Variants in NOX4 observed in about 807,000 individuals in gnomAD.
NOX4 encodes the protein kidney oxidase-1.
Under a neutral mutation model 87.6 loss-of-function variants are expected in NOX4, and 69 were observed. The ratio of observed to expected loss-of-function variants is 0.79; its 90% CI spans 0.65 to 0.96. The LOEUF (loss-of-function observed/expected upper bound fraction) is 0.96. Among genes scored for constraint, NOX4 ranks in the 40% least tolerant of loss-of-function variants. The probability of loss-of-function intolerance (pLI) is 0.00; values close to 1 mark genes in which losing one functional copy is unlikely to be tolerated. For missense variants in NOX4, 680 were observed against 681.5 expected, an observed-to-expected ratio of 1.00 and a Z score of 0.02; for synonymous variants, 275 against 238.2, an observed-to-expected ratio of 1.15 and a Z score of -1.42.
intron 13 of NOX4, 37 bp downstream of exon 13, chr11:89,354,925 T>C (rs1937895252): frequency 1.5e-6 from 2 of 1,368,848 alleles, no homozygotes; most frequent in South Asian, 1.2e-5. Flanking sequence ...ACTATGCCCA[T>C]TGCCTCATCA....
At chr11:89,358,397 A>G (rs780066130) in intron 12 of NOX4, among the ~76,000 whole-genome samples, 25 of 150,262 alleles carry the variant, frequency 1.7e-4, no homozygotes, top group Non-Finnish European at 2.8e-4. Context: ...AAAAAAAAAA[A>G]AAAAAAAAAG....
intron 2 of NOX4, among the ~76,000 whole-genome samples, chr11:89,484,976 A>T (rs956204685): frequency 6.6e-6 from 1 of 152,170 alleles, no homozygotes; most frequent in Non-Finnish European, 1.5e-5. Context: ...CATTCTCAGC[A>T]GAATTAAAGC....
chr11:89,392,992 T>C (rs2135143680), intron 11 of NOX4, among the ~76,000 whole-genome samples: 1 of 152,274 alleles, frequency 6.6e-6, no homozygotes, highest in African/African-American at 2.4e-5. Flanking sequence ...TCAAATTCTC[T>C]ATTGTGCTTA....
At chr11:89,441,982 A>C (rs1944477344) in intron 5 of NOX4, among the ~76,000 whole-genome samples, 1 of 148,050 alleles carries the variant, frequency 6.8e-6, no homozygotes, top group African/African-American at 2.4e-5. Flanking sequence ...ATCAATATAT[A>C]AATATATCAA....
chr11:89,329,976 T>C (rs1404625570), intron 17 of NOX4, among the ~76,000 whole-genome samples: 2 of 152,004 alleles, frequency 1.3e-5, no homozygotes, highest in African/African-American at 4.8e-5. Flanking sequence ...TGTCAGTAAA[T>C]ATAAAATATT....
chr11:89,574,732 C>T, the NOX4 span, among the ~76,000 whole-genome samples: 2 of 152,202 alleles, frequency 1.3e-5, no homozygotes, highest in Non-Finnish European at 2.9e-5. Flanking sequence ...ATTCACTTTA[C>T]TCAGATAGCC....
the NOX4 span, among the ~76,000 whole-genome samples, chr11:89,555,923 A>G: frequency 1.3e-5 from 2 of 152,202 alleles, no homozygotes; most frequent in Non-Finnish European, 2.9e-5. Flanking sequence ...TAGCTCAACA[A>G]AAGAATGTTT....
At chr11:89,355,107 T>C in intron 12 of NOX4, 64 bp from the exon 13 acceptor site, 2 of 1,184,836 alleles carry the variant, frequency 1.7e-6, no homozygotes. Flanking sequence ...AATTTCAAAA[T>C]GGAAGTATTT....
the NOX4 span, among the ~76,000 whole-genome samples, chr11:89,551,884 A>C: frequency 6.6e-6 from 1 of 152,154 alleles, no homozygotes; most frequent in South Asian, 2.1e-4. Context: ...TTCAAAAGGA[A>C]TGCTTCCAGC....
the NOX4 span, among the ~76,000 whole-genome samples, chr11:89,582,637 A>C: frequency 6.6e-6 from 1 of 152,276 alleles, no homozygotes; most frequent in Non-Finnish European, 1.5e-5. Context: ...AGTCTTTGTG[A>C]CATGTCTGTG....
chr11:89,333,500 T>C (rs1396568950), intron 17 of NOX4, among the ~76,000 whole-genome samples: 1 of 151,750 alleles, frequency 6.6e-6, no homozygotes, highest in Non-Finnish European at 1.5e-5. Flanking sequence ...TCATTACCTC[T>C]GGGCCAGAAG....
chr11:89,457,911 A>G (rs1335468771), intron 2 of NOX4, among the ~76,000 whole-genome samples: 1 of 152,136 alleles, frequency 6.6e-6, no homozygotes, highest in Non-Finnish European at 1.5e-5. Flanking sequence ...CAGAAATAAC[A>G]CAAACAAATG....
At chr11:89,431,631 C>T (rs1207653984) in intron 7 of NOX4, among the ~76,000 whole-genome samples, 1 of 152,150 alleles carries the variant, frequency 6.6e-6, no homozygotes, top group Non-Finnish European at 1.5e-5. Flanking sequence ...CAGAGAAATG[C>T]AAATCAAAAC....
intron 8 of NOX4, among the ~76,000 whole-genome samples, chr11:89,418,086 A>ACATTAATTTTC (rs1942877835): frequency 6.6e-6 from 1 of 152,106 alleles, no homozygotes; most frequent in Non-Finnish European, 1.5e-5. Context: ...TCGCTAAAAT[A>ACATTAATTTTC]TACAACAAGA....
chr11:89,550,069 G>A, the NOX4 span, among the ~76,000 whole-genome samples: 3 of 151,996 alleles, frequency 2.0e-5, no homozygotes, highest in Non-Finnish European at 2.9e-5. Flanking sequence ...TTGAGGAATC[G>A]CCACACCATC....
Position 89,403,964 on chromosome 11 carries a change from G to A in NOX4, c.630-1422C>T, listed in dbSNP as rs538426255. ...AATTTTATTTTCTTCCTTAAAACTA[G>A]TCATCATGAAGTCATTAGGGAGCAT... On this transcript the variant is annotated intron_variant, in intron 8 of 17. Coordinates refer to ENST00000263317, the MANE Select transcript of NOX4 (RefSeq NM_016931.5). 1.5e-3 allele frequency among the ~76,000 whole-genome samples: 224 copies of A among 151,948 alleles called. 1 individual carries two copies. The highest frequency in any genetic ancestry group is 2.6e-3 in the Non-Finnish European group (176 of 67,970).
chr11:89,336,328 A>C (rs563380129), intron 16 of NOX4, among the ~76,000 whole-genome samples: 1 of 152,112 alleles, frequency 6.6e-6, no homozygotes, highest in East Asian at 1.9e-4. Flanking sequence ...TGTAAGACAA[A>C]GAATGAATTC....
intron 17 of NOX4, among the ~76,000 whole-genome samples, chr11:89,329,461 A>G (rs1380414562): frequency 9.0e-6 from 1 of 110,798 alleles, no homozygotes; most frequent in Non-Finnish European, 1.8e-5. Flanking sequence ...CCAACATGAG[A>G]GAAGACCAAG....
chr11:89,424,477 T>C (rs999666098), intron 7 of NOX4, among the ~76,000 whole-genome samples: 1 of 151,784 alleles, frequency 6.6e-6, no homozygotes, highest in African/African-American at 2.4e-5. Context: ...TTTTACTATA[T>C]GTAAATATTG....
Sources: allele counts gnomAD v4.1 joint callset (sites outside exome capture counted in the v4.1 genomes callset), GRCh38; gene constraint gnomAD v4.1.1; transcripts MANE v1.5; gene names NCBI Gene and HGNC (gene_info 2026-07-23, HGNC 2026-07-21).